Variants in ATF7IP2 observed in about 807,000 individuals in gnomAD.
The protein encoded by ATF7IP2 is activating transcription factor 7-interacting protein 2.
Under a neutral mutation model 64.2 loss-of-function variants are expected in ATF7IP2, and 42 were observed. The observed-to-expected ratio is 0.65, with a 90% CI of 0.51 to 0.85. The LOEUF (loss-of-function observed/expected upper bound fraction) is 0.85. Ranked by LOEUF, ATF7IP2 falls within the 40% of genes least tolerant of loss-of-function variation. ATF7IP2 has a pLI of 0.00. For missense variants in ATF7IP2, 933 were observed against 784.2 expected (o/e 1.19, Z -2.27); for synonymous variants, 308 against 272.8 (o/e 1.13, Z -1.27).
intron 1 of ATF7IP2, among the ~76,000 whole-genome samples, chr16:10,396,783 G>A (rs754855806): frequency 7.9e-5 from 12 of 151,580 alleles, no homozygotes; most frequent in Non-Finnish European, 1.8e-4. Context: ...CCCAGTAGCT[G>A]GGACAAGAGG....
chr16:10,398,036 G>A (rs1341140963), intron 1 of ATF7IP2, among the ~76,000 whole-genome samples: 1 of 152,084 alleles, frequency 6.6e-6, no homozygotes, highest in Non-Finnish European at 1.5e-5. Flanking sequence ...TGGGCATGGT[G>A]GCTCAAGCTT....
Position 10,476,659 on chromosome 16 carries a change from C to A in ATF7IP2, c.1549+2670C>A, listed in dbSNP as rs138247785. On this transcript the variant is annotated intron_variant, in intron 12 of 13. Coordinates refer to ENST00000562102, the MANE Select transcript of ATF7IP2 (RefSeq NM_001393719.1). ...TTTTTCCTGATGTTCTCTCCACCCCCTGCCCCTCCCCCAACAGGCCTAGTG... is the reference window on the plus strand; with the variant it reads ...TTTTTCCTGATGTTCTCTCCACCCCATGCCCCTCCCCCAACAGGCCTAGTG... 5.9e-3 allele frequency among the ~76,000 whole-genome samples: 894 copies of A among 152,294 alleles called. 5 individuals carry two copies. Among genetic ancestry groups the A allele is most frequent in the African/African-American group, 0.021 (855 of 41,554 alleles).
At chr16:10,466,038 C>G (rs2049557526) in intron 9 of ATF7IP2, among the ~76,000 whole-genome samples, 1 of 152,158 alleles carries the variant, frequency 6.6e-6, no homozygotes, top group African/African-American at 2.4e-5. Flanking sequence ...CATGCCTGTT[C>G]TCCTAGTCAT....
chr16:10,411,954 A>G (rs1403816588), intron 1 of ATF7IP2, among the ~76,000 whole-genome samples: 1 of 60,770 alleles, frequency 1.6e-5, no homozygotes, highest in Non-Finnish European at 3.5e-5. Flanking sequence ...CTAATGGTCT[A>G]TTAATTTTAT....
chr16:10,454,358 C>G (rs1183980396), intron 8 of ATF7IP2: 1 of 119,490 alleles, frequency 8.4e-6, no homozygotes, highest in Non-Finnish European at 1.7e-5. Context: ...TGCAGTGAGC[C>G]AAGATTGTGC....
intron 9 of ATF7IP2, among the ~76,000 whole-genome samples, chr16:10,467,571 C>A (rs1220539156): frequency 1.4e-5 from 2 of 147,680 alleles, no homozygotes; most frequent in Non-Finnish European, 3.0e-5. Flanking sequence ...ATAGAAAAAT[C>A]AATTTTTTTT....
intron 1 of ATF7IP2, among the ~76,000 whole-genome samples, chr16:10,411,889 CTAGT>C (rs1249978645): frequency 7.3e-6 from 1 of 137,516 alleles, no homozygotes; most frequent in African/African-American, 2.7e-5. Flanking sequence ...CATTTTGTTT[CTAGT>C]TGAGCTTATT....
intron 1 of ATF7IP2, among the ~76,000 whole-genome samples, chr16:10,390,771 A>G (rs2047305726): frequency 6.6e-6 from 1 of 152,138 alleles, no homozygotes; most frequent in Non-Finnish European, 1.5e-5. Context: ...CTGGGTGACA[A>G]AGTGTGACTC....
At chr16:10,393,853 C>A (rs548010331) in intron 1 of ATF7IP2, among the ~76,000 whole-genome samples, 1 of 152,076 alleles carries the variant, frequency 6.6e-6, no homozygotes, top group African/African-American at 2.4e-5. Flanking sequence ...TGAGCTTGGG[C>A]ACCATAGTAA....
chr16:10,465,327 T>C (rs1463582763), intron 9 of ATF7IP2, among the ~76,000 whole-genome samples: 4 of 152,064 alleles, frequency 2.6e-5, no homozygotes, highest in Non-Finnish European at 5.9e-5. Flanking sequence ...GAGAAATGAA[T>C]TACTAATTTT....
intron 2 of ATF7IP2, among the ~76,000 whole-genome samples, chr16:10,416,611 G>T (rs1596466607): frequency 6.6e-6 from 1 of 152,246 alleles, no homozygotes; most frequent in South Asian, 2.1e-4. Context: ...TGGCCAACAT[G>T]GCGAAACTGC....
chr16:10,479,808 G>C (rs142328881), intron 12 of ATF7IP2, among the ~76,000 whole-genome samples: 1 of 152,162 alleles, frequency 6.6e-6, no homozygotes, highest in African/African-American at 2.4e-5. Context: ...ATGCCTGTCA[G>C]AATGGCGATT....
intron 8 of ATF7IP2, among the ~76,000 whole-genome samples, chr16:10,452,198 C>T (rs1038817219): frequency 6.6e-6 from 1 of 152,182 alleles, no homozygotes; most frequent in African/African-American, 2.4e-5. Context: ...GGAGAAGAGG[C>T]GTTCTTGTTT....
At chr16:10,460,996 G>C (rs1476287820) in intron 9 of ATF7IP2, among the ~76,000 whole-genome samples, 1 of 152,102 alleles carries the variant, frequency 6.6e-6, no homozygotes, top group African/African-American at 2.4e-5. Context: ...AAGTCAATGA[G>C]TAAAAGCCAA....
At chr16:10,478,013 C>G (rs1360503578) in intron 12 of ATF7IP2, among the ~76,000 whole-genome samples, 1 of 149,424 alleles carries the variant, frequency 6.7e-6, no homozygotes, top group African/African-American at 2.5e-5. Context: ...AGGATACAAA[C>G]AAATGGAAGA....
At chr16:10,479,439 G>T (rs993108567) in intron 12 of ATF7IP2, among the ~76,000 whole-genome samples, 11 of 152,176 alleles carry the variant, frequency 7.2e-5, no homozygotes, top group Non-Finnish European at 1.5e-4. Flanking sequence ...CTCATAGGTG[G>T]GAATTGAACA....
intron 6 of ATF7IP2, 73 bp downstream of exon 6, chr16:10,433,722 C>T (rs1268349518): frequency 2.6e-6 from 4 of 1,521,768 alleles, no homozygotes; most frequent in Non-Finnish European, 3.6e-6. Context: ...TTATCTGGTC[C>T]CCACAGTGGC....
chr16:10,396,775 C>T (rs2047428285), intron 1 of ATF7IP2, among the ~76,000 whole-genome samples: 1 of 151,604 alleles, frequency 6.6e-6, no homozygotes, highest in South Asian at 2.1e-4. Flanking sequence ...CAGCTTGTCC[C>T]AGTAGCTGGG....
At chr16:10,399,014 G>T (rs1438121019) in intron 1 of ATF7IP2, among the ~76,000 whole-genome samples, 1 of 152,184 alleles carries the variant, frequency 6.6e-6, no homozygotes, top group Non-Finnish European at 1.5e-5. Context: ...TCAGGAGGCT[G>T]AGGCAGGAGA....
Sources: allele counts gnomAD v4.1 joint callset (sites outside exome capture counted in the v4.1 genomes callset), GRCh38; gene constraint gnomAD v4.1.1; transcripts MANE v1.5; gene names NCBI Gene and HGNC (gene_info 2026-07-23, HGNC 2026-07-21).